The following NTRK3 variants were observed in gnomAD, a reference collection of about 807,000 sequenced individuals.
NTRK3 encodes the protein NT-3 growth factor receptor.
A neutral mutation model predicts 91.7 loss-of-function variants in NTRK3; 24 were observed. The observed-to-expected ratio is 0.26, with a 90% CI of 0.19 to 0.37. The LOEUF is 0.37. Ranked by LOEUF, NTRK3 falls within the 10% of genes least tolerant of loss-of-function variation. The pLI is 1.00. For synonymous variants in NTRK3, 483 were observed against 404.0 expected (o/e 1.20, Z -2.34); for missense variants, 880 against 1,068.9 (o/e 0.82, Z 2.46).
At chr15:87,902,164 A>T (rs899927220) in intron 17 of NTRK3, among the ~76,000 whole-genome samples, 3 of 152,226 alleles carry the variant, frequency 2.0e-5, no homozygotes, top group African/African-American at 4.8e-5. Flanking sequence ...GACATCAGAA[A>T]ATATCTATGT....
chr15:88,064,525 C>T (rs2046484470), intron 13 of NTRK3, among the ~76,000 whole-genome samples: 1 of 152,112 alleles, frequency 6.6e-6, no homozygotes, highest in Non-Finnish European at 1.5e-5. Context: ...TACAATTATC[C>T]CTTTTCACAG....
chr15:88,096,206 C>A (rs1480611391), intron 13 of NTRK3, among the ~76,000 whole-genome samples: 1 of 152,120 alleles, frequency 6.6e-6, no homozygotes, highest in African/African-American at 2.4e-5. Flanking sequence ...CAGCATGGGA[C>A]AAAATCTTAT....
chr15:87,993,070 G>A (rs1381771206), intron 14 of NTRK3, among the ~76,000 whole-genome samples: 9 of 152,232 alleles, frequency 5.9e-5, no homozygotes, highest in Non-Finnish European at 1.2e-4. Flanking sequence ...TAACTCTGAG[G>A]TAAGGAAAGA....
chr15:88,110,900 C>G (rs1335589526), intron 13 of NTRK3, among the ~76,000 whole-genome samples: 1 of 152,062 alleles, frequency 6.6e-6, no homozygotes, highest in Non-Finnish European at 1.5e-5. Context: ...GGGGCCAGGT[C>G]CAGAGCCATG....
chr15:88,247,269 G>A (rs544560637), intron 3 of NTRK3, among the ~76,000 whole-genome samples: 15 of 152,290 alleles, frequency 9.8e-5, no homozygotes, highest in Admixed American at 9.2e-4. Flanking sequence ...GAACCCCTCA[G>A]TCCCAGAGCA....
chr15:88,217,589 G>T (rs908133237), intron 3 of NTRK3, among the ~76,000 whole-genome samples: 3 of 152,246 alleles, frequency 2.0e-5, no homozygotes, highest in Admixed American at 1.3e-4. Context: ...GCCAGGGGAG[G>T]GGGGAATGGG....
At chr15:88,021,619 C>T (rs996876640) in intron 14 of NTRK3, among the ~76,000 whole-genome samples, 1 of 151,952 alleles carries the variant, frequency 6.6e-6, no homozygotes, top group African/African-American at 2.4e-5. Flanking sequence ...TATTCGTATC[C>T]TTCAGAGAAC....
rs144423643 is a variant in NTRK3 at position 87,956,655 on chromosome 15, C to T, written c.1586-15902G>A. On this transcript the variant is annotated intron_variant, in intron 14 of 18. Transcript: ENST00000394480. Reference sequence around the variant, plus strand: ...TGCAATCTTGGCTCACAACAACCCCCGCCTCCTGGGTTCAAGCAATTCTCC... The same window carrying T: ...TGCAATCTTGGCTCACAACAACCCCTGCCTCCTGGGTTCAAGCAATTCTCC... 6.5e-3 allele frequency among the ~76,000 whole-genome samples: 984 copies of T among 152,160 alleles called. 8 individuals are homozygous for T. Among genetic ancestry groups the T allele is most frequent in the African/African-American group, 0.023 (936 of 41,512 alleles).
intron 5 of NTRK3, among the ~76,000 whole-genome samples, chr15:88,181,839 C>T (rs576035542): frequency 1.1e-4 from 16 of 152,326 alleles, no homozygotes; most frequent in Non-Finnish European, 1.3e-4. Context: ...GGAGGGGACA[C>T]GTGACCCCAC....
chr15:88,206,665 A>G (rs1428610536), intron 3 of NTRK3, among the ~76,000 whole-genome samples: 1 of 148,000 alleles, frequency 6.8e-6, no homozygotes, highest in Non-Finnish European at 1.5e-5. Context: ...CTCGAAAAAA[A>G]AAAAAAAAAA....
At position 87,981,075 on chromosome 15, in the gene NTRK3, T is replaced by A. The variant is rs933675160; in HGVS notation, c.1586-40322A>T. The stretch of plus-strand genomic sequence containing the variant: ...AAGACACTCCTTTAATTTAAGGGAT[T>A]TTTTTAGTACCAAATCCCGTGCTGG... On this transcript the variant is annotated intron_variant, in intron 14 of 18. Transcript: ENST00000394480. The A allele has an allele frequency of 8.7e-6, 11 of 1,259,332 alleles. No individual in the cohort carries two copies. The African/African-American group carries it at 1.1e-4, about 12-fold the overall frequency. The allele number at this position is 1,259,332 out of a possible 1,614,324, so 78.0% of individuals were successfully genotyped here.
chr15:87,914,777 C>T (rs1434896366), intron 17 of NTRK3, among the ~76,000 whole-genome samples: 2 of 152,128 alleles, frequency 1.3e-5, no homozygotes, highest in Non-Finnish European at 2.9e-5. Context: ...AATCAAAGTT[C>T]CAAGCTGGCT....
intron 10 of NTRK3, among the ~76,000 whole-genome samples, chr15:88,133,489 T>C (rs1011337800): frequency 6.6e-6 from 1 of 152,118 alleles, no homozygotes; most frequent in Non-Finnish European, 1.5e-5. Context: ...AACAGAAACA[T>C]TGCTTCAGGG....
intron 3 of NTRK3, among the ~76,000 whole-genome samples, chr15:88,247,191 T>C (rs949163598): frequency 6.6e-6 from 1 of 152,078 alleles, no homozygotes; most frequent in Non-Finnish European, 1.5e-5. Flanking sequence ...CTACTATTGC[T>C]CCCTTCGTGT....
chr15:88,003,675 G>C (rs2076275996), intron 14 of NTRK3, among the ~76,000 whole-genome samples: 1 of 152,110 alleles, frequency 6.6e-6, no homozygotes, highest in Non-Finnish European at 1.5e-5. Context: ...GTGGAACAAA[G>C]TTTCAACCAG....
chr15:88,038,881 G>A (rs2079322145), intron 13 of NTRK3, among the ~76,000 whole-genome samples: 1 of 152,026 alleles, frequency 6.6e-6, no homozygotes, highest in African/African-American at 2.4e-5. Context: ...CACATCACTT[G>A]CCTCAGGGGA....
At chr15:88,159,943 T>TACACACACACACACACACACACACACAC (rs59254719) in intron 5 of NTRK3, among the ~76,000 whole-genome samples, 1 of 111,968 alleles carries the variant, frequency 8.9e-6, no homozygotes, top group Non-Finnish European at 1.8e-5. Context: ...CCCAGCCTCC[T>TACACACACACACACACACACACACACAC]ACACACACAC....
chr15:88,219,130 C>A (rs12101720), intron 3 of NTRK3, among the ~76,000 whole-genome samples: 1 of 152,234 alleles, frequency 6.6e-6, no homozygotes, highest in Non-Finnish European at 1.5e-5. Context: ...TGAGGCAGAC[C>A]TACATGTGCA....
chr15:87,957,760 A>C (rs2071822370), intron 14 of NTRK3, among the ~76,000 whole-genome samples: 1 of 152,202 alleles, frequency 6.6e-6, no homozygotes, highest in African/African-American at 2.4e-5. Flanking sequence ...AAGAGGACTG[A>C]ATCATTTTAA....
Sources: gnomAD v4.1 joint callset for allele counts (sites outside exome capture counted in the v4.1 genomes callset) on GRCh38, gnomAD v4.1.1 for gene constraint, MANE v1.5 for transcripts, NCBI Gene and HGNC (gene_info 2026-07-23, HGNC 2026-07-21) for gene names.